The following UPRT variants were observed in gnomAD, a reference collection of about 807,000 sequenced individuals.
The protein encoded by UPRT is uracil phosphoribosyltransferase homolog.
UPRT carries 5 observed loss-of-function variants against 22.6 expected under a neutral mutation model. The ratio of observed to expected loss-of-function variants is 0.22; its 90% CI spans 0.12 to 0.47. UPRT has a LOEUF of 0.47. UPRT is among the 20% of genes least tolerant of loss of function. The probability of loss-of-function intolerance (pLI) is 0.99; values close to 1 mark genes in which losing one functional copy is unlikely to be tolerated. For synonymous variants in UPRT, 77 were observed against 87.7 expected, an observed-to-expected ratio of 0.88 and a Z score of 0.68; for missense variants, 181 against 239.9, an observed-to-expected ratio of 0.75 and a Z score of 1.62.
chrX:75,165,761 T>C (rs1385996366), intron 3 of UPRT, among the ~76,000 whole-genome samples: 1 of 111,725 alleles, frequency 9.0e-6, no homozygotes, highest in Non-Finnish European at 1.9e-5. Flanking sequence ...TTTAAGATAA[T>C]AAATTTTTTC....
intron 1 of UPRT, among the ~76,000 whole-genome samples, chrX:75,159,770 A>ATTTTTTTTTTTTTTTTTTTTTTTTTT (rs35651743): frequency 2.2e-5 from 1 of 46,320 alleles, no homozygotes; most frequent in Non-Finnish European, 4.7e-5. Context: ...CTTGCCTTAA[A>ATTTTTTTTTTTTTTTTTTTTTTTTTT]TTTTTTTTTT....
At chrX:75,156,725 T>C (rs1343531440) in intron 1 of UPRT, 1 of 333,108 alleles carries the variant, frequency 3.0e-6, no homozygotes, top group Non-Finnish European at 5.8e-6. Context: ...TTATCTTCAC[T>C]CCCTTCTGAA....
chrX:75,241,670 G>A (rs1286924457), intron 4 of UPRT, among the ~76,000 whole-genome samples: 1 of 111,681 alleles, frequency 9.0e-6, no homozygotes, highest in Non-Finnish European at 1.9e-5. Flanking sequence ...TGTGAAACCA[G>A]AATAAATGCC....
intron 4 of UPRT, among the ~76,000 whole-genome samples, chrX:75,263,862 T>C (rs1332616261): frequency 1.8e-5 from 2 of 110,617 alleles, no homozygotes; most frequent in Admixed American, 9.7e-5. Flanking sequence ...TTTAGTGCTA[T>C]AAATTTCCCT....
At chrX:75,233,113 C>A (rs1313940409) in intron 4 of UPRT, among the ~76,000 whole-genome samples, 1 of 111,309 alleles carries the variant, frequency 9.0e-6, no homozygotes, top group Non-Finnish European at 1.9e-5. Flanking sequence ...AGCTGAGAAC[C>A]AAGGCTGGAC....
At chrX:75,200,036 A>T (rs890544821) in intron 4 of UPRT, among the ~76,000 whole-genome samples, 1 of 111,716 alleles carries the variant, frequency 9.0e-6, no homozygotes, top group Non-Finnish European at 1.9e-5. Context: ...TCTCCTCTTT[A>T]TTCCCTACTT....
intron 1 of UPRT, among the ~76,000 whole-genome samples, chrX:75,276,750 A>G (rs1196333147): frequency 9.0e-6 from 1 of 111,540 alleles, no homozygotes; most frequent in African/African-American, 3.3e-5. Context: ...TTCACAGACC[A>G]TACAGTTCAA....
At chrX:75,227,987 A>T (rs2082428136) in intron 4 of UPRT, among the ~76,000 whole-genome samples, 1 of 112,038 alleles carries the variant, frequency 8.9e-6, no homozygotes, top group Non-Finnish European at 1.9e-5. Context: ...CATTGATAGT[A>T]AGGTTATTTG....
chrX:75,301,023 T>C (rs746258419), intron 6 of UPRT, 58 bp downstream of exon 6: 3 of 855,084 alleles, frequency 3.5e-6, no homozygotes, highest in South Asian at 2.5e-5. Context: ...TGGGTAAGTA[T>C]GCATTTTCTA....
chrX:75,235,824 A>C (rs917668065), intron 4 of UPRT, among the ~76,000 whole-genome samples: 2 of 111,634 alleles, frequency 1.8e-5, no homozygotes, highest in Admixed American at 1.9e-4. Flanking sequence ...ATCTATGACA[A>C]ACTCACAGCC....
chrX:75,169,745 C>T (rs979733254), intron 4 of UPRT, among the ~76,000 whole-genome samples: 4 of 111,830 alleles, frequency 3.6e-5, no homozygotes, highest in African/African-American at 1.3e-4. Context: ...AATGTATACT[C>T]TGTGGTTGTT....
At chrX:75,231,546 T>C (rs2082438450) in intron 4 of UPRT, among the ~76,000 whole-genome samples, 1 of 111,695 alleles carries the variant, frequency 9.0e-6, no homozygotes, top group Non-Finnish European at 1.9e-5. Context: ...TCAAGAAAAA[T>C]CTTCCCTGGT....
At chrX:75,182,852 A>G (rs989930506) in intron 4 of UPRT, among the ~76,000 whole-genome samples, 1 of 109,976 alleles carries the variant, frequency 9.1e-6, no homozygotes, top group Non-Finnish European at 1.9e-5. Context: ...CCTTCAGTTT[A>G]GGTATGATTT....
chrX:75,188,780 G>A (rs898399957), intron 4 of UPRT, among the ~76,000 whole-genome samples: 1 of 111,964 alleles, frequency 8.9e-6, no homozygotes, highest in Admixed American at 9.4e-5. Flanking sequence ...GGAGTGACCC[G>A]ATCTTCCAGG....
chrX:75,176,878 TC>T lies in UPRT; in HGVS notation c.-447+9000del, dbSNP rs1455402254. ...GCAGGATAGTATTGAAATTTGTACT[TC>T]TCTCAGGTGGCCATTTTTCCCCATC... On this transcript the variant is annotated intron_variant, in intron 4 of 13. Transcript: ENST00000652605. Among the ~76,000 whole-genome samples the T allele has an allele frequency of 2.6e-4, 29 of 110,851 alleles. No homozygotes were observed. In the Admixed American group the frequency reaches 2.8e-3, roughly 11 times the overall value.
intron 4 of UPRT, among the ~76,000 whole-genome samples, chrX:75,201,129 C>A (rs2082346162): frequency 8.9e-6 from 1 of 112,314 alleles, no homozygotes; most frequent in Admixed American, 9.4e-5. Flanking sequence ...CATCTTCTGA[C>A]CTTTGTCTCC....
chrX:75,250,374 G>A (rs918631318), intron 4 of UPRT, among the ~76,000 whole-genome samples: 2 of 109,807 alleles, frequency 1.8e-5, no homozygotes, highest in African/African-American at 3.3e-5. Flanking sequence ...AGTAATAAAG[G>A]GGATATCACC....
chrX:75,187,038 G>A lies in UPRT; in HGVS notation c.-447+19159G>A, dbSNP rs773098486. Among the ~76,000 whole-genome samples the A allele has an allele frequency of 2.7e-5, 3 of 111,183 alleles. No homozygotes were observed. The South Asian group carries it at 1.1e-3, about 42-fold the overall frequency. ...TCCATTTACATTTAAGGTTAATATT[G>A]TTATGTGTGCATTGGATCCTGTCAT... On this transcript the variant is annotated intron_variant, in intron 4 of 13. Coordinates refer to the UPRT transcript ENST00000652605.
At position 75,304,480 on chromosome X, in the gene UPRT, T is replaced by C. The variant is rs2082755888; in HGVS notation, c.*969T>C. 8.9e-6 allele frequency: 1 copy of C among 112,184 alleles called. No homozygotes were observed. The highest frequency in any genetic ancestry group is 3.7e-4 in the South Asian group (1 of 2,692). The allele number at this position is 112,184 out of a possible 1,213,427, so 9.2% of individuals were successfully genotyped here. ...TGTAAAAACCCCTAAGATTTGTATA[T>C]GTTCATCTTTAGGCTTCTGAAAGGG... is the stretch of plus-strand genomic sequence containing the variant. On this transcript the variant is annotated 3_prime_UTR_variant, in exon 7 of 7. Coordinates refer to ENST00000373383, the MANE Select transcript of UPRT (RefSeq NM_145052.4).
Sources: allele counts gnomAD v4.1 joint callset (sites outside exome capture counted in the v4.1 genomes callset), GRCh38; gene constraint gnomAD v4.1.1; transcripts MANE v1.5; gene names NCBI Gene and HGNC (gene_info 2026-07-23, HGNC 2026-07-21).